The following CDC42BPB variants were observed in gnomAD, a reference collection of about 807,000 sequenced individuals.
CDC42BPB encodes the protein CDC42 binding protein kinase beta, also known as serine/threonine-protein kinase MRCK beta.
In CDC42BPB, 37 loss-of-function variants were observed where a neutral mutation model predicts 214.9. The observed-to-expected ratio is 0.17, with a 90% CI of 0.13 to 0.23. The LOEUF (loss-of-function observed/expected upper bound fraction) is 0.23, where lower values mean the gene tolerates loss of function less well. Ranked by LOEUF, CDC42BPB falls within the 10% of genes least tolerant of loss-of-function variation. The probability of loss-of-function intolerance (pLI) is 1.00; values close to 1 mark genes in which losing one functional copy is unlikely to be tolerated. For missense variants in CDC42BPB, 1,694 were observed against 2,227.0 expected, an observed-to-expected ratio of 0.76 and a Z score of 4.82; for synonymous variants, 931 against 884.0, an observed-to-expected ratio of 1.05 and a Z score of -0.94.
intron 24 of CDC42BPB, chr14:102,950,872 A>C (rs756563147): frequency 1.2e-5 from 2 of 169,738 alleles, no homozygotes; most frequent in Non-Finnish European, 2.4e-5. Flanking sequence ...AGGCTGAGGC[A>C]GAAGAATCGC....
chr14:103,049,911 C>T (rs906570500), intron 1 of CDC42BPB, among the ~76,000 whole-genome samples: 8 of 152,122 alleles, frequency 5.3e-5, no homozygotes, highest in Non-Finnish European at 1.2e-4. Flanking sequence ...CGGGGTTTCA[C>T]CATGTTGGCC....
At chr14:103,040,776 G>A (rs1026091905) in intron 1 of CDC42BPB, among the ~76,000 whole-genome samples, 1 of 152,136 alleles carries the variant, frequency 6.6e-6, no homozygotes, top group Admixed American at 6.5e-5. Context: ...AATTTTAAAA[G>A]TTCTAAATAA....
chr14:103,037,169 G>T (rs1887710380), intron 1 of CDC42BPB, among the ~76,000 whole-genome samples: 1 of 152,188 alleles, frequency 6.6e-6, no homozygotes, highest in Non-Finnish European at 1.5e-5. Flanking sequence ...AATGGAAAAA[G>T]ACTAGAACAT....
At position 102,938,362 on chromosome 14, in the gene CDC42BPB, T is replaced by C. The variant is rs764828871; in HGVS notation, c.4877A>G (p.Asn1626Ser). Residue 1626 changes from asparagine (N) to serine (S), a missense_variant, in exon 35 of 37, where the codon AAC becomes AGC. By Grantham distance (46) the Asn-to-Ser change is conservative (BLOSUM62 1). Coordinates refer to ENST00000361246, the MANE Select transcript of CDC42BPB (RefSeq NM_006035.4). ...CCTGGATGGAGGCTGGCGAGCCAGG[T>C]TGGTGGGAGCGGGGCCCGGCCTTTC... ...QEERPGPAPTNLARQPPSRNK... is the reference protein window; with the variant it reads ...QEERPGPAPTSLARQPPSRNK... 15 of 1,590,356 alleles carry C rather than the reference T, an allele frequency of 9.4e-6. No individual in the cohort carries two copies. The highest frequency in any genetic ancestry group is 1.7e-4 in the Middle Eastern group (1 of 5,894).
chr14:103,046,388 G>C (rs1035659095), intron 1 of CDC42BPB, among the ~76,000 whole-genome samples: 3 of 152,166 alleles, frequency 2.0e-5, no homozygotes, highest in African/African-American at 7.2e-5. Context: ...CATACAGGGA[G>C]TTTCCAATCG....
In CDC42BPB at chr14:102,940,152, G is replaced by C. The variant is rs766980094; in HGVS notation, c.4507-22C>G. 1.1e-5 allele frequency: 18 copies of C among 1,614,044 alleles called. No individual in the cohort carries two copies. The Admixed American group carries it at 2.8e-4, about 25-fold the overall frequency. The stretch of plus-strand genomic sequence containing the variant: ...TTATCTGGATTGGAAACCAGGGAGG[G>C]ACAGTAAGCGCGGCCACGCACAGAC... On this transcript the variant is annotated intron_variant, in intron 31 of 36. Transcript: ENST00000361246.
At chr14:102,937,957 C>T in intron 36 of CDC42BPB, 147 bp downstream of exon 36, 1 of 850,154 alleles carries the variant, frequency 1.2e-6, no homozygotes, top group Non-Finnish European at 2.0e-6. Flanking sequence ...GGGACAGCCA[C>T]CCCGACCCCT....
chr14:103,053,063 T>C (rs539884621), intron 1 of CDC42BPB, among the ~76,000 whole-genome samples: 3 of 152,080 alleles, frequency 2.0e-5, no homozygotes, highest in Non-Finnish European at 4.4e-5. Context: ...GAAATATACA[T>C]GCAAGGCCAG....
chr14:102,932,871 C>G lies in CDC42BPB; in HGVS notation c.*841G>C, dbSNP rs1891447350. On this transcript the variant is annotated 3_prime_UTR_variant, in exon 37 of 37. Coordinates refer to ENST00000361246, the MANE Select transcript of CDC42BPB (RefSeq NM_006035.4). ...ACGGGGGCTCCATGCGGGGGCAGGA[C>G]TGGTGGGGGGGGGGGCGGGCAGGGC... 1 of 13,930 alleles carries G rather than the reference C, an allele frequency of 7.2e-5. No individual in the cohort carries two copies. The highest frequency in any genetic ancestry group is 8.5e-4 in the Admixed American group (1 of 1,180). The allele number at this position is 13,930 out of a possible 1,614,324, so 0.9% of individuals were successfully genotyped here. A position where few individuals can be genotyped will look rare whatever the true frequency, so the allele number is the denominator to read the frequency against.
chr14:102,980,041 A>G (rs1453134847), intron 8 of CDC42BPB, among the ~76,000 whole-genome samples: 5 of 152,242 alleles, frequency 3.3e-5, no homozygotes, highest in African/African-American at 1.2e-4. Context: ...ACGTGCTCTC[A>G]CATGTAGGGA....
chr14:102,935,462 C>T (rs1176115174), intron 36 of CDC42BPB, among the ~76,000 whole-genome samples: 1 of 152,168 alleles, frequency 6.6e-6, no homozygotes, highest in African/African-American at 2.4e-5. Flanking sequence ...AAATGGAACA[C>T]ATCTCATGTT....
At chr14:103,016,784 T>C (rs1335942860) in intron 1 of CDC42BPB, among the ~76,000 whole-genome samples, 5 of 151,648 alleles carry the variant, frequency 3.3e-5, no homozygotes, top group South Asian at 2.1e-4. Flanking sequence ...CAGCCATATA[T>C]GGGTGTGAAC....
At chr14:102,961,152 G>A (rs1892938651) in intron 20 of CDC42BPB, among the ~76,000 whole-genome samples, 1 of 149,078 alleles carries the variant, frequency 6.7e-6, no homozygotes, top group South Asian at 2.2e-4. Flanking sequence ...GGGCAACAGA[G>A]CAAGACCCTG....
At chr14:103,052,724 CCT>C (rs752360504) in intron 1 of CDC42BPB, among the ~76,000 whole-genome samples, 3 of 152,188 alleles carry the variant, frequency 2.0e-5, no homozygotes, top group Non-Finnish European at 4.4e-5. Context: ...CCACGGTCCG[CCT>C]CTGTGACACC....
rs774458674 is a variant in CDC42BPB at position 102,933,699 on chromosome 14, C to T, written c.*13G>A. 7 of 1,447,416 alleles carry T rather than the reference C, an allele frequency of 4.8e-6. No homozygotes were observed. The highest frequency in any genetic ancestry group is 3.5e-5 in the Admixed American group (1 of 28,654). 89.7% of individuals were successfully genotyped at this position (1,447,416 alleles called of 1,614,324 possible). A position where few individuals can be genotyped will look rare whatever the true frequency, so the allele number is the denominator to read the frequency against. ...ATCTCCAGCTCCCTGGCCCCTGTGG[C>T]GAGCTGGCGGCTTCAGGTGTCACAG... On this transcript the variant is annotated 3_prime_UTR_variant, in exon 37 of 37. Transcript: ENST00000361246.
rs761037229 is a variant in CDC42BPB, at chr14:102,970,197, C to T, written c.1949G>A (p.Ser650Asn). The T allele has an allele frequency of 5.0e-6, 8 of 1,613,906 alleles. No individual in the cohort carries two copies. Among genetic ancestry groups the T allele is most frequent in the Non-Finnish European group, 6.8e-6 (8 of 1,180,016 alleles). The change falls in exon 14 of 37, where the codon AGC becomes AAC. Residue 650 changes from serine (S) to asparagine (N), a missense_variant. By Grantham distance (46) the Ser-to-Asn change is conservative (BLOSUM62 1). Transcript: ENST00000361246. ...TTCCATTTGCTTGCAGAAGTTCTCG[C>T]TGTGCTCACGAAGCTTGCGCTCCTT... ...ASKERKLREHSENFCKQMESE... is the reference protein window; with the variant it reads ...ASKERKLREHNENFCKQMESE...
rs1367432752 is a variant in CDC42BPB at position 102,941,119 on chromosome 14, G to A, written c.4409-795C>T. 8 of 985,146 alleles carry A rather than the reference G, an allele frequency of 8.1e-6. No individual in the cohort carries two copies. The African/African-American group carries it at 1.0e-4, about 13-fold the overall frequency. The allele number at this position is 985,146 out of a possible 1,614,324, so 61.0% of individuals were successfully genotyped here. A position where few individuals can be genotyped will look rare whatever the true frequency, so the allele number is the denominator to read the frequency against. ...GACAAGGGAGCGGTGTGCGTCTTCC[G>A]CTCAGTCCCTCTGTGTGGGTGGCAC... On this transcript the variant is annotated intron_variant, in intron 30 of 36. Coordinates refer to ENST00000361246, the MANE Select transcript of CDC42BPB (RefSeq NM_006035.4).
At chr14:103,041,492 G>A in intron 1 of CDC42BPB, 4 of 1,353,738 alleles carry the variant, frequency 3.0e-6, no homozygotes, top group Non-Finnish European at 4.2e-6. Flanking sequence ...AGAATGGCAT[G>A]GAAGCCCCAC....
intron 6 of CDC42BPB, among the ~76,000 whole-genome samples, chr14:102,985,287 C>T (rs958880566): frequency 2.0e-5 from 3 of 148,062 alleles, no homozygotes; most frequent in South Asian, 2.2e-4. Context: ...TATACCATGA[C>T]GGGGTGGTAT....
Sources: gnomAD v4.1 joint callset for allele counts (sites outside exome capture counted in the v4.1 genomes callset) on GRCh38, gnomAD v4.1.1 for gene constraint, MANE v1.5 for transcripts, NCBI Gene and HGNC (gene_info 2026-07-23, HGNC 2026-07-21) for gene names.